PTPN13: variants seen among roughly 807,000 people sequenced by gnomAD.
The protein encoded by PTPN13 is tyrosine-protein phosphatase non-receptor type 13.
PTPN13 carries 191 observed loss-of-function variants against 284.0 expected under a neutral mutation model. The observed-to-expected ratio is 0.67, with a 90% CI of 0.60 to 0.76. The LOEUF is 0.76. Ranked by LOEUF, PTPN13 falls within the 30% of genes least tolerant of loss-of-function variation. The probability of loss-of-function intolerance (pLI) is 0.00; values close to 1 mark genes in which losing one functional copy is unlikely to be tolerated. For missense variants in PTPN13, 2,797 were observed against 2,939.9 expected (o/e 0.95, Z 1.12); for synonymous variants, 986 against 1,022.3 (o/e 0.96, Z 0.68).
In PTPN13 at chr4:86,701,334, T is replaced by C; in HGVS notation, c.728T>C (p.Phe243Ser). The change falls in exon 7 of 48, where the codon TTT becomes TCT. Residue 243 changes from phenylalanine (F) to serine (S), a missense_variant. Physicochemically the swap from Phe to Ser is radical, Grantham distance 155 (BLOSUM62 -2). Transcript: ENST00000411767. ...AAAGGGCTTAGTAAATCTATGGGAT[T>C]TCTGTCCATCAAAGATACACAAGAT... is the stretch of plus-strand genomic sequence containing the variant. ...LNKGLSKSMG[F>S]LSIKDTQDEN... is the part of the protein sequence containing the mutation. 1 of 1,612,670 alleles carries C rather than the reference T, an allele frequency of 6.2e-7. No homozygotes were observed. Among genetic ancestry groups the C allele is most frequent in the Non-Finnish European group, 8.5e-7 (1 of 1,178,900 alleles).
At chr4:86,700,766 G>T (rs1214791653) in intron 6 of PTPN13, among the ~76,000 whole-genome samples, 3 of 152,068 alleles carry the variant, frequency 2.0e-5, no homozygotes, top group East Asian at 1.9e-4. Context: ...AATATAGCAA[G>T]AATTCTTTGT....
chr4:86,683,759 CAT>C (rs1216564171), intron 3 of PTPN13, among the ~76,000 whole-genome samples: 3 of 152,068 alleles, frequency 2.0e-5, no homozygotes, highest in African/African-American at 7.2e-5. Context: ...AAATTATTAA[CAT>C]ATAGTAACTC....
chr4:86,751,961 A>G (rs1355691907), intron 19 of PTPN13, among the ~76,000 whole-genome samples: 5 of 152,048 alleles, frequency 3.3e-5, no homozygotes, highest in African/African-American at 4.8e-5. Flanking sequence ...ACATGTGCAT[A>G]TATATCTATA....
At chr4:86,654,813 A>C (rs937238050) in intron 2 of PTPN13, among the ~76,000 whole-genome samples, 1 of 152,070 alleles carries the variant, frequency 6.6e-6, no homozygotes, top group East Asian at 1.9e-4. Context: ...TTTCTGTCTC[A>C]TTGATATGTC....
At chr4:86,772,590 A>G (rs1249095623) in intron 31 of PTPN13, among the ~76,000 whole-genome samples, 188 bp from the exon 32 acceptor site, 1 of 152,134 alleles carries the variant, frequency 6.6e-6, no homozygotes, top group Non-Finnish European at 1.5e-5. Context: ...CAGAGAATAA[A>G]TTATTGTTAA....
Position 86,762,894 on chromosome 4 carries a change from G to A in PTPN13, c.3721G>A (p.Glu1241Lys), listed in dbSNP as rs1385344294. The A allele has an allele frequency of 6.2e-7, 1 of 1,613,744 alleles. No homozygotes were observed. The highest frequency in any genetic ancestry group is 1.3e-5 in the African/African-American group (1 of 74,886). ...NSFGPSGGLR[E>K]GSLSSQDSRT... ...CTTTGGGCCATCTGGGGGCCTGCGG[G>A]AAGGAAGCCTGAGTTCTCAAGATTC... The change falls in exon 24 of 48, where the codon GAA (glutamate) becomes AAA (lysine). Residue 1241 changes from glutamate (E) to lysine (K), a missense_variant. Transcript: ENST00000411767.
chr4:86,764,297 G>T (rs1163285437), intron 24 of PTPN13, among the ~76,000 whole-genome samples: 1 of 152,134 alleles, frequency 6.6e-6, no homozygotes, highest in Non-Finnish European at 1.5e-5. Context: ...TTGACCTGAA[G>T]CAAGCTCTTT....
chr4:86,764,488 C>T (rs1416852363), intron 24 of PTPN13, 105 bp from the exon 25 acceptor site: 4 of 844,796 alleles, frequency 4.7e-6, no homozygotes. Context: ...TGATTCTAGC[C>T]AGCTTTGTCC....
At chr4:86,776,273 T>C (rs891399006) in intron 35 of PTPN13, among the ~76,000 whole-genome samples, 1 of 152,230 alleles carries the variant, frequency 6.6e-6, no homozygotes, top group Non-Finnish European at 1.5e-5. Flanking sequence ...TATTGGACTT[T>C]AGAAGTCCCA....
chr4:86,743,341 T>C (rs1448710491), intron 16 of PTPN13, among the ~76,000 whole-genome samples: 1 of 152,178 alleles, frequency 6.6e-6, no homozygotes, highest in African/African-American at 2.4e-5. Flanking sequence ...AGTGGTTCTG[T>C]AGTTCTTTTG....
intron 2 of PTPN13, among the ~76,000 whole-genome samples, chr4:86,637,015 G>T (rs1723103397): frequency 6.6e-6 from 1 of 152,098 alleles, no homozygotes; most frequent in Non-Finnish European, 1.5e-5. Context: ...CGATCCCACA[G>T]AAATACAAAC....
intron 7 of PTPN13, 107 bp downstream of exon 7, chr4:86,701,908 A>G: frequency 2.7e-6 from 3 of 1,126,360 alleles, no homozygotes; most frequent in East Asian, 2.6e-5. Flanking sequence ...TTCACTGCCA[A>G]ATTTTTGTAC....
At chr4:86,759,184 A>G (rs1738375013) in intron 23 of PTPN13, 111 bp downstream of exon 23, 11 of 1,124,672 alleles carry the variant, frequency 9.8e-6, no homozygotes, top group Non-Finnish European at 1.4e-5. Context: ...GATGCAACTT[A>G]AGTAAACTGT....
chr4:86,701,228 C>T lies in PTPN13; in HGVS notation c.635-13C>T. The T allele has an allele frequency of 1.3e-6, 2 of 1,519,984 alleles. No individual in the cohort carries two copies. The highest frequency in any genetic ancestry group is 1.8e-6 in the Non-Finnish European group (2 of 1,131,640). The allele number at this position is 1,519,984 out of a possible 1,614,324, so 94.2% of individuals were successfully genotyped here. On this transcript the variant is annotated splice_polypyrimidine_tract_variant and intron_variant, in intron 6 of 47. Coordinates refer to ENST00000411767, the MANE Select transcript of PTPN13 (RefSeq NM_080683.3). ...AAATTGTGTGCATACATGATAGATT[C>T]TTATCATTCCAGGAAGAAGCTCTAC...
intron 1 of PTPN13, among the ~76,000 whole-genome samples, chr4:86,604,936 A>C (rs1430933468): frequency 6.6e-6 from 1 of 152,028 alleles, no homozygotes; most frequent in Admixed American, 6.6e-5. Context: ...ACTGCAATGA[A>C]AGCTTTAAGG....
intron 1 of PTPN13, among the ~76,000 whole-genome samples, chr4:86,614,142 T>C (rs1230931590): frequency 6.6e-6 from 1 of 152,218 alleles, no homozygotes; most frequent in Non-Finnish European, 1.5e-5. Context: ...TTTCAGTATA[T>C]AGGGTAGTTT....
chr4:86,747,524 C>T (rs28725465), intron 17 of PTPN13, among the ~76,000 whole-genome samples: 1,981 of 151,896 alleles, frequency 0.013, 49 homozygotes, highest in African/African-American at 0.045. Context: ...TATGTAATAG[C>T]GGTAATAGTA....
intron 1 of PTPN13, among the ~76,000 whole-genome samples, chr4:86,604,161 A>C (rs1351814739): frequency 6.6e-6 from 1 of 152,068 alleles, no homozygotes; most frequent in Non-Finnish European, 1.5e-5. Flanking sequence ...AACACATTGA[A>C]TTTGGGTAGT....
intron 10 of PTPN13, among the ~76,000 whole-genome samples, chr4:86,725,632 G>C (rs1734162353): frequency 6.7e-6 from 1 of 149,590 alleles, no homozygotes; most frequent in African/African-American, 2.4e-5. Flanking sequence ...AGAAGTGTCT[G>C]TTCATATCCT....
Sources: allele counts gnomAD v4.1 joint callset (sites outside exome capture counted in the v4.1 genomes callset), GRCh38; gene constraint gnomAD v4.1.1; transcripts MANE v1.5; gene names NCBI Gene and HGNC (gene_info 2026-07-23, HGNC 2026-07-21).